C1GALT1: variants seen among roughly 807,000 people sequenced by gnomAD.
C1GALT1 encodes core 1 synthase, glycoprotein-N-acetylgalactosamine 3-beta-galactosyltransferase 1.
Under a neutral mutation model 31.0 loss-of-function variants are expected in C1GALT1, and 11 were observed. The ratio of observed to expected loss-of-function variants is 0.36; its 90% CI spans 0.22 to 0.59. The LOEUF is 0.59. Ranked by LOEUF, C1GALT1 falls within the 20% of genes least tolerant of loss-of-function variation. The probability of loss-of-function intolerance (pLI) is 0.79; values close to 1 mark genes in which losing one functional copy is unlikely to be tolerated. For missense variants in C1GALT1, 424 were observed against 425.2 expected, an observed-to-expected ratio of 1.00 and a Z score of 0.03; for synonymous variants, 175 against 143.6, an observed-to-expected ratio of 1.22 and a Z score of -1.56.
At chr7:7,175,398 G>A (rs1365074333) in intron 2 of C1GALT1, among the ~76,000 whole-genome samples, 4 of 152,170 alleles carry the variant, frequency 2.6e-5, no homozygotes, top group African/African-American at 9.7e-5. Flanking sequence ...GGTTTTCTCA[G>A]GTGTTTTCTA....
chr7:7,241,347 C>T (rs1265411412), intron 3 of C1GALT1, among the ~76,000 whole-genome samples: 2 of 151,932 alleles, frequency 1.3e-5, no homozygotes, highest in Non-Finnish European at 2.9e-5. Flanking sequence ...GGATCTAAAT[C>T]TGGGATTTCA....
At chr7:7,196,679 A>G (rs1781301709) in intron 1 of C1GALT1, among the ~76,000 whole-genome samples, 1 of 152,230 alleles carries the variant, frequency 6.6e-6, no homozygotes. Flanking sequence ...CAATCCCACC[A>G]ACAGTGTAAA....
chr7:7,184,566 A>C (rs1448052227), intron 1 of C1GALT1, among the ~76,000 whole-genome samples: 1 of 152,242 alleles, frequency 6.6e-6, no homozygotes, highest in Non-Finnish European at 1.5e-5. Flanking sequence ...CACTAGGCAC[A>C]TGCTACTATT....
upstream of C1GALT1, among the ~76,000 whole-genome samples, chr7:7,181,561 A>T (rs537780183): frequency 1.1e-4 from 16 of 152,220 alleles, no homozygotes; most frequent in Admixed American, 1.3e-4. Flanking sequence ...CTACAGCTGA[A>T]CCTAAGCAAA....
chr7:7,230,709 CTGTT>C (rs747660434), intron 1 of C1GALT1, among the ~76,000 whole-genome samples: 126 of 125,142 alleles, frequency 1.0e-3, no homozygotes, highest in South Asian at 7.7e-3. Context: ...TATTGTTTTA[CTGTT>C]TGTTTGTTTA....
intron 1 of C1GALT1, among the ~76,000 whole-genome samples, chr7:7,199,623 T>C (rs926275316): frequency 6.6e-6 from 1 of 152,228 alleles, no homozygotes; most frequent in African/African-American, 2.4e-5. Flanking sequence ...TTGATCTGTC[T>C]AATGTTGACA....
intron 2 of C1GALT1, among the ~76,000 whole-genome samples, chr7:7,157,912 C>G (rs17309555): frequency 0.14 from 20,906 of 152,120 alleles, 1,799 homozygotes; most frequent in Middle Eastern, 0.27. Context: ...TATTTTCCTC[C>G]CAGGCATGTT....
intron 1 of C1GALT1, among the ~76,000 whole-genome samples, chr7:7,192,607 C>T (rs905900207): frequency 1.3e-5 from 2 of 152,014 alleles, no homozygotes; most frequent in Non-Finnish European, 2.9e-5. Context: ...AATTGTGTTG[C>T]TATAAATGTG....
intron 2 of C1GALT1, among the ~76,000 whole-genome samples, chr7:7,162,921 G>A (rs1780352172): frequency 6.6e-6 from 1 of 152,152 alleles, no homozygotes; most frequent in Non-Finnish European, 1.5e-5. Flanking sequence ...CTTCTTTTGA[G>A]AAGTGTCTGT....
chr7:7,158,214 T>C (rs1780294401), intron 2 of C1GALT1, among the ~76,000 whole-genome samples: 1 of 152,108 alleles, frequency 6.6e-6, no homozygotes, highest in African/African-American at 2.4e-5. Flanking sequence ...AGAAAAGAAA[T>C]TAAATGGGAG....
At chr7:7,189,715 T>A (rs1221969036) in intron 1 of C1GALT1, among the ~76,000 whole-genome samples, 1 of 152,206 alleles carries the variant, frequency 6.6e-6, no homozygotes, top group Non-Finnish European at 1.5e-5. Flanking sequence ...AAACTCATAG[T>A]GTTTTAATAG....
At chr7:7,186,408 C>T (rs1274630312) in intron 1 of C1GALT1, among the ~76,000 whole-genome samples, 1 of 152,168 alleles carries the variant, frequency 6.6e-6, no homozygotes, top group Non-Finnish European at 1.5e-5. Context: ...TTCTGAAACA[C>T]GGGTTCTAAA....
In C1GALT1 at chr7:7,245,841, T is replaced by C. The variant is rs1365250092; in HGVS notation, c.*2114T>C. On this transcript the variant is annotated 3_prime_UTR_variant, in exon 4 of 4. Coordinates refer to ENST00000436587, the MANE Select transcript of C1GALT1 (RefSeq NM_020156.5). Reference sequence around the variant, plus strand: ...CTTGCTTGGGTTTAAATTCTTGCTCTAACACTTACTGTTTTTGTAACCTTG... The same window carrying C: ...CTTGCTTGGGTTTAAATTCTTGCTCCAACACTTACTGTTTTTGTAACCTTG... 1 of 152,186 alleles carries C rather than the reference T, an allele frequency of 6.6e-6. No individual in the cohort carries two copies. The highest frequency in any genetic ancestry group is 2.4e-5 in the African/African-American group (1 of 41,438). The allele number at this position is 152,186 out of a possible 1,614,324, so 9.4% of individuals were successfully genotyped here.
chr7:7,222,223 A>T (rs1362207071), intron 1 of C1GALT1, among the ~76,000 whole-genome samples: 1 of 152,188 alleles, frequency 6.6e-6, no homozygotes, highest in Non-Finnish European at 1.5e-5. Flanking sequence ...GAAGTTTTCT[A>T]TGCTGTTCTT....
At chr7:7,158,858 G>A (rs12666790) in intron 2 of C1GALT1, among the ~76,000 whole-genome samples, 30,943 of 151,738 alleles carry the variant, frequency 0.2, 3,609 homozygotes, top group East Asian at 0.39. Flanking sequence ...GCTGTTAGAC[G>A]GCCTATTGAT....
At chr7:7,167,829 A>C (rs1386454343) in intron 2 of C1GALT1, among the ~76,000 whole-genome samples, 1 of 152,100 alleles carries the variant, frequency 6.6e-6, no homozygotes, top group Non-Finnish European at 1.5e-5. Context: ...ACTCCTATGA[A>C]GCAGCAAAAA....
Position 7,247,964 on chromosome 7 carries a change from A to G in C1GALT1, c.*4237A>G, listed in dbSNP as rs866852972. 6.6e-6 allele frequency: 1 copy of G among 152,012 alleles called. No homozygotes were observed. Among genetic ancestry groups the G allele is most frequent in the Non-Finnish European group, 1.5e-5 (1 of 67,898 alleles). 9.4% of individuals were successfully genotyped at this position (152,012 alleles called of 1,614,324 possible). ...ATAATTTAAAATTAATTCTATGTCT[A>G]CAATTATTAAAGGAAGTAAAGTTAT... On this transcript the variant is annotated 3_prime_UTR_variant, in exon 4 of 4. Coordinates refer to ENST00000436587, the MANE Select transcript of C1GALT1 (RefSeq NM_020156.5).
chr7:7,165,599 G>T (rs1480699998), intron 2 of C1GALT1, among the ~76,000 whole-genome samples: 1 of 152,104 alleles, frequency 6.6e-6, no homozygotes, highest in African/African-American at 2.4e-5. Context: ...AAGACAGGAA[G>T]AAAGAGTCCA....
upstream of C1GALT1, among the ~76,000 whole-genome samples, chr7:7,179,564 C>T (rs184675164): frequency 5.9e-5 from 9 of 152,148 alleles, no homozygotes; most frequent in African/African-American, 1.9e-4. Context: ...TTAAAAAATT[C>T]TATATATAGT....
Sources: allele counts gnomAD v4.1 joint callset (sites outside exome capture counted in the v4.1 genomes callset), GRCh38; gene constraint gnomAD v4.1.1; transcripts MANE v1.5; gene names NCBI Gene and HGNC (gene_info 2026-07-23, HGNC 2026-07-21).